Variants in PSD3 observed in about 807,000 individuals in gnomAD.
The protein encoded by PSD3 is pleckstrin and Sec7 domain containing 3.
In PSD3, 49 loss-of-function variants were observed where a neutral mutation model predicts 105.5. The ratio of observed to expected loss-of-function variants is 0.46; its 90% CI spans 0.37 to 0.59. The LOEUF (loss-of-function observed/expected upper bound fraction) is 0.59, where lower values mean the gene tolerates loss of function less well. PSD3 is among the 20% of genes least tolerant of loss of function. The probability of loss-of-function intolerance (pLI) is 0.00; values close to 1 mark genes in which losing one functional copy is unlikely to be tolerated. For synonymous variants in PSD3, 557 were observed against 457.8 expected (o/e 1.22, Z -2.77); for missense variants, 1,561 against 1,263.8 (o/e 1.24, Z -3.57).
chr8:18,925,389 G>GTATATATATA (rs34212482), intron 2 of PSD3, among the ~76,000 whole-genome samples: 110 of 147,758 alleles, frequency 7.4e-4, no homozygotes, highest in Middle Eastern at 7.2e-3. Context: ...ATCTCTAAAA[G>GTATATATATA]TATATATATA....
intron 11 of PSD3, among the ~76,000 whole-genome samples, chr8:18,617,215 G>T (rs1563383657): frequency 6.6e-6 from 1 of 152,208 alleles, no homozygotes; most frequent in African/African-American, 2.4e-5. Flanking sequence ...AACAAACTGA[G>T]ATATTATATT....
At chr8:18,971,417 A>T (rs1406327453) in intron 1 of PSD3, among the ~76,000 whole-genome samples, 1 of 152,170 alleles carries the variant, frequency 6.6e-6, no homozygotes, top group Non-Finnish European at 1.5e-5. Flanking sequence ...TCATGAGGAC[A>T]ATACCCCATC....
intron 2 of PSD3, among the ~76,000 whole-genome samples, chr8:18,885,473 T>A (rs908664446): frequency 6.6e-6 from 1 of 152,200 alleles, no homozygotes; most frequent in Admixed American, 6.5e-5. Context: ...AACCATACAA[T>A]TCTTTTAAAA....
At chr8:18,761,704 C>A (rs1806553150) in intron 9 of PSD3, among the ~76,000 whole-genome samples, 1 of 152,186 alleles carries the variant, frequency 6.6e-6, no homozygotes, top group Non-Finnish European at 1.5e-5. Flanking sequence ...CTTATTAGAG[C>A]CTTACGAATG....
At chr8:18,551,730 T>C (rs929430046) in intron 15 of PSD3, among the ~76,000 whole-genome samples, 3 of 152,224 alleles carry the variant, frequency 2.0e-5, no homozygotes, top group African/African-American at 7.2e-5. Flanking sequence ...TTCTAAGTCT[T>C]TGGTTTCAGT....
In PSD3 at chr8:18,804,659, C is replaced by A. The variant is rs952664290; in HGVS notation, c.1829+45G>T. ...AAAGGTAAACTATTTAAAACACACA[C>A]AAAACAGGAGAGAATTCAGACTCCA... is the stretch of plus-strand genomic sequence containing the variant. On this transcript the variant is annotated intron_variant, in intron 5 of 15. Transcript: ENST00000327040. The A allele has an allele frequency of 9.3e-6, 15 of 1,611,602 alleles. No homozygotes were observed. The East Asian group carries it at 1.1e-4, about 12-fold the overall frequency.
intron 9 of PSD3, among the ~76,000 whole-genome samples, chr8:18,668,557 G>C (rs1799611746): frequency 6.6e-6 from 1 of 152,158 alleles, no homozygotes; most frequent in South Asian, 2.1e-4. Context: ...TGCCTATGAA[G>C]GTTAAGTAGG....
At chr8:18,603,937 G>A (rs774210159) in intron 11 of PSD3, among the ~76,000 whole-genome samples, 3 of 152,242 alleles carry the variant, frequency 2.0e-5, no homozygotes, top group East Asian at 1.9e-4. Flanking sequence ...GCAGACCCGT[G>A]AGCCAATTAA....
At chr8:18,953,913 C>T (rs1354449527) in intron 1 of PSD3, among the ~76,000 whole-genome samples, 1 of 152,010 alleles carries the variant, frequency 6.6e-6, no homozygotes, top group Non-Finnish European at 1.5e-5. Context: ...TTAAGACACA[C>T]ATATATACAT....
At chr8:18,700,725 T>C (rs759267172) in intron 9 of PSD3, among the ~76,000 whole-genome samples, 34 of 152,262 alleles carry the variant, frequency 2.2e-4, no homozygotes, top group African/African-American at 6.3e-4. Flanking sequence ...TCAGTCTTTT[T>C]CTTTCCTTTG....
At chr8:18,585,588 G>C (rs1407746320) in intron 12 of PSD3, among the ~76,000 whole-genome samples, 1 of 152,072 alleles carries the variant, frequency 6.6e-6, no homozygotes, top group Non-Finnish European at 1.5e-5. Flanking sequence ...AAAGTGCTGG[G>C]ATTACAGGTG....
At chr8:18,627,709 C>A (rs910450901) in intron 11 of PSD3, among the ~76,000 whole-genome samples, 1 of 151,656 alleles carries the variant, frequency 6.6e-6, no homozygotes, top group Non-Finnish European at 1.5e-5. Context: ...GGAGAAAATC[C>A]AGTGTTTTTT....
intron 1 of PSD3, among the ~76,000 whole-genome samples, chr8:18,973,888 G>A (rs898614675): frequency 3.3e-5 from 5 of 152,160 alleles, no homozygotes; most frequent in Non-Finnish European, 7.3e-5. Flanking sequence ...TGTCCATTCT[G>A]AGGTCGATAC....
At chr8:19,074,611 A>ATATACATT (rs1324257417) in intron 1 of PSD3, among the ~76,000 whole-genome samples, 1 of 24,230 alleles carries the variant, frequency 4.1e-5, no homozygotes, top group Non-Finnish European at 7.4e-5. Context: ...ATATATATAT[A>ATATACATT]TTTTTTTTTT....
intron 1 of PSD3, among the ~76,000 whole-genome samples, chr8:18,999,809 C>T (rs1296426064): frequency 6.6e-6 from 1 of 151,356 alleles, no homozygotes; most frequent in African/African-American, 2.4e-5. Flanking sequence ...TCTTACTGAA[C>T]TTCCCTCTGA....
At chr8:18,812,954 G>C (rs1431605289) in intron 4 of PSD3, among the ~76,000 whole-genome samples, 1 of 152,140 alleles carries the variant, frequency 6.6e-6, no homozygotes, top group Non-Finnish European at 1.5e-5. Flanking sequence ...GTTTTGGTAA[G>C]ATCAGTTTTG....
intron 9 of PSD3, among the ~76,000 whole-genome samples, chr8:18,751,621 G>C (rs1278685092): frequency 4.7e-5 from 7 of 149,344 alleles, no homozygotes; most frequent in African/African-American, 1.8e-4. Context: ...TTAGAGCCCA[G>C]CGACTTCCAT....
chr8:18,554,023 G>A (rs955777156), intron 15 of PSD3, among the ~76,000 whole-genome samples: 2 of 152,156 alleles, frequency 1.3e-5, no homozygotes, highest in East Asian at 3.9e-4. Flanking sequence ...CTTCATGTCA[G>A]GGATTGAAAA....
At chr8:18,536,803 A>G (rs1799870001) in intron 15 of PSD3, among the ~76,000 whole-genome samples, 1 of 151,770 alleles carries the variant, frequency 6.6e-6, no homozygotes, top group African/African-American at 2.4e-5. Context: ...GAACTATCAT[A>G]TATGTTGCAA....
Sources: gnomAD v4.1 joint callset for allele counts (sites outside exome capture counted in the v4.1 genomes callset) on GRCh38, gnomAD v4.1.1 for gene constraint, MANE v1.5 for transcripts, NCBI Gene and HGNC (gene_info 2026-07-23, HGNC 2026-07-21) for gene names.